Variants in MBNL1 observed in about 807,000 individuals in gnomAD.
MBNL1 encodes the protein muscleblind like splicing regulator 1, also known as muscleblind-like protein 1.
A neutral mutation model predicts 42.2 loss-of-function variants in MBNL1; 8 were observed. The observed-to-expected ratio is 0.19, with a 90% CI of 0.11 to 0.34. MBNL1 has a LOEUF of 0.34. Among genes scored for constraint, MBNL1 ranks in the 10% least tolerant of loss-of-function variants. MBNL1 has a pLI of 1.00. For synonymous variants in MBNL1, 169 were observed against 173.9 expected (o/e 0.97, Z 0.22); for missense variants, 309 against 495.3 (o/e 0.62, Z 3.57).
Position 152,392,524 on chromosome 3 carries a change from A to T in MBNL1, c.175-22417A>T, listed in dbSNP as rs115342922. On this transcript the variant is annotated intron_variant, in intron 2 of 9. Transcript: ENST00000324210. ...TCTTTGAATAAACTGCTATCCCAGA[A>T]TTTCTACTTTTTAAAAGCAGCAACA... Among the ~76,000 whole-genome samples, 1,460 of 152,360 alleles carry T rather than the reference A, an allele frequency of 9.6e-3. 24 individuals are homozygous for T. Among genetic ancestry groups the T allele is most frequent in the African/African-American group, 0.034 (1,394 of 41,580 alleles).
intron 2 of MBNL1, among the ~76,000 whole-genome samples, chr3:152,343,408 G>T (rs2093685067): frequency 6.6e-6 from 1 of 152,166 alleles, no homozygotes; most frequent in Non-Finnish European, 1.5e-5. Flanking sequence ...GAGCTCAAGT[G>T]TCTGGCCTGC....
In MBNL1 at chr3:152,298,783, C is replaced by T. The variant is rs533723475; in HGVS notation, c.-789-622C>T. Among the ~76,000 whole-genome samples, 3 of 152,252 alleles carry T rather than the reference C, an allele frequency of 2.0e-5. No individual in the cohort carries two copies. The South Asian group carries it at 6.2e-4, about 32-fold the overall frequency. On this transcript the variant is annotated intron_variant, in intron 1 of 9. Coordinates refer to ENST00000324210, the MANE Select transcript of MBNL1 (RefSeq NM_021038.5). ...GTCAGGAGAATGTACCATTTGTAAA[C>T]ACCCCTTTCCTTTTTTATTCACGTG...
chr3:152,301,088 T>G (rs549916325), intron 2 of MBNL1: 120 of 185,590 alleles, frequency 6.5e-4, no homozygotes, highest in African/African-American at 2.6e-3. Flanking sequence ...ATGATTTTTT[T>G]TTATTTGTAA....
intron 2 of MBNL1, among the ~76,000 whole-genome samples, chr3:152,311,992 C>T (rs981064762): frequency 8.6e-5 from 13 of 151,624 alleles, no homozygotes; most frequent in African/African-American, 3.1e-4. Context: ...AGATCGAGAC[C>T]ATCCCGGCTA....
chr3:152,338,981 T>C (rs1193924229), intron 2 of MBNL1, among the ~76,000 whole-genome samples: 3 of 152,200 alleles, frequency 2.0e-5, no homozygotes, highest in Non-Finnish European at 2.9e-5. Context: ...AGAAATCTTG[T>C]TGAGAATTAA....
At chr3:152,364,284 A>G (rs149518378) in intron 2 of MBNL1, among the ~76,000 whole-genome samples, 12 of 152,208 alleles carry the variant, frequency 7.9e-5, no homozygotes, top group African/African-American at 2.2e-4. Flanking sequence ...TCTGTACACA[A>G]TGTAGCTATA....
chr3:152,262,077 A>C (rs1263134052), intron 2 of MBNL1, among the ~76,000 whole-genome samples: 1 of 152,202 alleles, frequency 6.6e-6, no homozygotes, highest in Non-Finnish European at 1.5e-5. Context: ...AACACCTTGC[A>C]AAAGACTTAA....
At chr3:152,373,758 C>G (rs907736467) in intron 2 of MBNL1, among the ~76,000 whole-genome samples, 5 of 152,274 alleles carry the variant, frequency 3.3e-5, no homozygotes, top group African/African-American at 1.2e-4. Context: ...TCCTGTTAGG[C>G]CATCTTGCCA....
rs556112539 is a variant in MBNL1 at position 152,395,181 on chromosome 3, T to C, written c.175-19760T>C. 5.3e-5 allele frequency among the ~76,000 whole-genome samples: 8 copies of C among 152,280 alleles called. No individual in the cohort carries two copies. The South Asian group carries it at 1.5e-3, about 28-fold the overall frequency. On this transcript the variant is annotated intron_variant, in intron 2 of 9. Transcript: ENST00000324210. ...GCCTTCAGCTTTTATTTAATTATTA[T>C]ATTCACAGTCTATAAAACAAAAATA...
chr3:152,383,986 C>G (rs531200775), intron 2 of MBNL1, among the ~76,000 whole-genome samples: 13 of 152,074 alleles, frequency 8.5e-5, no homozygotes, highest in African/African-American at 3.1e-4. Flanking sequence ...ATTATTTATT[C>G]AGGTTAAATG....
intron 3 of MBNL1, among the ~76,000 whole-genome samples, chr3:152,422,948 G>C (rs1273832622): frequency 6.6e-6 from 1 of 152,320 alleles, no homozygotes; most frequent in Non-Finnish European, 1.5e-5. Flanking sequence ...AGCTAAAGCA[G>C]TGTTTACAGG....
At chr3:152,275,258 A>G (rs2044279125) in intron 1 of MBNL1, among the ~76,000 whole-genome samples, 1 of 152,172 alleles carries the variant, frequency 6.6e-6, no homozygotes, top group Non-Finnish European at 1.5e-5. Context: ...AATGGATGAG[A>G]AAAGCTTTAT....
At chr3:152,256,173 T>A (rs760418610) in intron 2 of MBNL1, among the ~76,000 whole-genome samples, 1 of 152,182 alleles carries the variant, frequency 6.6e-6, no homozygotes, top group Admixed American at 6.5e-5. Context: ...GGTAAAAGTT[T>A]CATAGGAGAT....
In MBNL1 at chr3:152,268,970, G is replaced by A. The variant is rs1465409608; in HGVS notation, c.-912G>A. The A allele has an allele frequency of 2.2e-6, 1 of 456,154 alleles. No homozygotes were observed. Among genetic ancestry groups the A allele is most frequent in the Non-Finnish European group, 4.4e-6 (1 of 226,956 alleles). The allele number at this position is 456,154 out of a possible 1,614,324, so 28.3% of individuals were successfully genotyped here. On this transcript the variant is annotated 5_prime_UTR_variant, in exon 1 of 10. The change abolishes an upstream ATG in the 5' untranslated region. Transcript: ENST00000324210. ...CTGAATGAGTTGTGGCGCCCACAAT[G>A]CTCCCATGACAAGGAGCTGACAAGT... is the stretch of plus-strand genomic sequence containing the variant.
intron 2 of MBNL1, among the ~76,000 whole-genome samples, chr3:152,380,474 T>G (rs2097134447): frequency 6.6e-6 from 1 of 152,038 alleles, no homozygotes; most frequent in Non-Finnish European, 1.5e-5. Context: ...ATGGAAAAAC[T>G]TTCCAATTGT....
At chr3:152,449,054 A>G (rs1716318833) in intron 6 of MBNL1, among the ~76,000 whole-genome samples, 1 of 152,186 alleles carries the variant, frequency 6.6e-6, no homozygotes, top group Non-Finnish European at 1.5e-5. Context: ...CTCAACATGC[A>G]TAGTTTTTCA....
Position 152,465,147 on chromosome 3 carries a change from T to C in MBNL1, c.*2781T>C, listed in dbSNP as rs1372666205. The stretch of plus-strand genomic sequence containing the variant: ...AGGTACTTCTACCATTAAGGTGAAA[T>C]CATGGATCAGATATTCCTTACATTT... On this transcript the variant is annotated 3_prime_UTR_variant, in exon 10 of 10. Coordinates refer to ENST00000324210, the MANE Select transcript of MBNL1 (RefSeq NM_021038.5). 6.6e-6 allele frequency: 1 copy of C among 152,238 alleles called. No individual in the cohort carries two copies. The allele number at this position is 152,238 out of a possible 1,614,324, so 9.4% of individuals were successfully genotyped here. A position where few individuals can be genotyped will look rare whatever the true frequency, so the allele number is the denominator to read the frequency against.
chr3:152,282,952 C>T lies in MBNL1; in HGVS notation c.-790+13860C>T, dbSNP rs187116012. The stretch of plus-strand genomic sequence containing the variant: ...AGTACAGGAGGCTCCAGTTTTGCCA[C>T]TCACTATGCAGAATGCTGTGACAGC... On this transcript the variant is annotated intron_variant, in intron 1 of 9. Transcript: ENST00000324210. Among the ~76,000 whole-genome samples the T allele has an allele frequency of 1.8e-4, 27 of 152,282 alleles. No homozygotes were observed. In the East Asian group the frequency reaches 4.8e-3, roughly 27 times the overall value.
intron 2 of MBNL1, among the ~76,000 whole-genome samples, chr3:152,391,592 G>A (rs2097718207): frequency 6.6e-6 from 1 of 152,226 alleles, no homozygotes; most frequent in Non-Finnish European, 1.5e-5. Flanking sequence ...AAGGCTGACA[G>A]TGTTGGGGGC....
Sources: gnomAD v4.1 joint callset for allele counts (sites outside exome capture counted in the v4.1 genomes callset) on GRCh38, gnomAD v4.1.1 for gene constraint, MANE v1.5 for transcripts, NCBI Gene and HGNC (gene_info 2026-07-23, HGNC 2026-07-21) for gene names.